Variants in HTRA1 observed in about 807,000 individuals in gnomAD.
HTRA1 encodes serine protease HTRA1.
In HTRA1, 26 loss-of-function variants were observed where a neutral mutation model predicts 49.7. The ratio of observed to expected loss-of-function variants is 0.52; its 90% CI spans 0.38 to 0.73. The LOEUF is 0.73. Ranked by LOEUF, HTRA1 falls within the 30% of genes least tolerant of loss-of-function variation. HTRA1 has a pLI of 0.00. For missense variants in HTRA1, 561 were observed against 667.2 expected, an observed-to-expected ratio of 0.84 and a Z score of 1.75; for synonymous variants, 291 against 286.9, an observed-to-expected ratio of 1.01 and a Z score of -0.14.
intron 3 of HTRA1, among the ~76,000 whole-genome samples, chr10:122,491,231 A>T (rs1330528776): frequency 2.0e-5 from 3 of 152,242 alleles, no homozygotes; most frequent in African/African-American, 2.4e-5. Flanking sequence ...GAGGCCACAC[A>T]GCAAACACCT....
chr10:122,514,502 A>T lies in HTRA1; in HGVS notation c.*143A>T. ...CAGTGGAGACTCCCTGGCCAACAGA[A>T]TCCTTCTTGATAGTTTGCAGGCAAA... On this transcript the variant is annotated 3_prime_UTR_variant, in exon 9 of 9. Transcript: ENST00000368984. The T allele has an allele frequency of 1.3e-6, 1 of 766,732 alleles. No individual in the cohort carries two copies. Among genetic ancestry groups the T allele is most frequent in the Non-Finnish European group, 2.2e-6 (1 of 445,020 alleles). 47.5% of individuals were successfully genotyped at this position (766,732 alleles called of 1,614,324 possible).
chr10:122,506,732 G>A lies in HTRA1; in HGVS notation c.819G>A (p.Leu273=), dbSNP rs778756814. 5.0e-6 allele frequency: 8 copies of A among 1,613,632 alleles called. No individual in the cohort carries two copies. Among genetic ancestry groups the A allele is most frequent in the Non-Finnish European group, 6.8e-6 (8 of 1,180,042 alleles). Residue 273 remains leucine, a synonymous_variant, in exon 4 of 9, where the codon CTG becomes CTA. Coordinates refer to ENST00000368984, the MANE Select transcript of HTRA1 (RefSeq NM_002775.5). This position sits in a 1 kb window ranked among gnomAD's most constrained non-coding sequence, Gnocchi z 5.2. ...TGCTGCTTGGCCGCTCCTCAGAGCT[G>A]CGGCCGGGAGAGTTCGTGGTCGCCA... ...PVLLLGRSSE[L]RPGEFVVAIG...
rs1014414049 is a variant in HTRA1 at position 122,514,533 on chromosome 10, T to C, written c.*174T>C. ...CTTGATAGTTTGCAGGCAAAACAAA[T>C]GTAATGTTGCAGATCCGCAGGCAGA... On this transcript the variant is annotated 3_prime_UTR_variant, in exon 9 of 9. Transcript: ENST00000368984. 2.2e-5 allele frequency: 15 copies of C among 669,950 alleles called. No individual in the cohort carries two copies. Among genetic ancestry groups the C allele is most frequent in the Admixed American group, 6.6e-5 (3 of 45,238 alleles). The allele number at this position is 669,950 out of a possible 1,614,324, so 41.5% of individuals were successfully genotyped here.
chr10:122,514,583 T>C lies in HTRA1; in HGVS notation c.*224T>C. On this transcript the variant is annotated 3_prime_UTR_variant, in exon 9 of 9. Transcript: ENST00000368984. ...AAGCTCTGCCCTTCTGTATCCTATG[T>C]ATGCAGTGTGCTTTTTCTTGCCAGC... 1.8e-6 allele frequency: 1 copy of C among 558,452 alleles called. No individual in the cohort carries two copies. The highest frequency in any genetic ancestry group is 2.0e-5 in the South Asian group (1 of 50,386). 34.6% of individuals were successfully genotyped at this position (558,452 alleles called of 1,614,324 possible).
chr10:122,508,735 AG>A lies in HTRA1; in HGVS notation c.1086del (p.Lys362AsnfsTer26). The A allele has an allele frequency of 6.2e-7, 1 of 1,613,832 alleles. No individual in the cohort carries two copies. The highest frequency in any genetic ancestry group is 8.5e-7 in the Non-Finnish European group (1 of 1,179,678). ...GCAATCCCATCTGATAAGATTAAAA[AG>A]TTCCTCACGGAGTCCCATGACCGAC... The part of the protein sequence containing the change: ...SFAIPSDKIK[K>X]FLTESHDRQA... On this transcript the variant is annotated frameshift_variant, in exon 6 of 9. Transcript: ENST00000368984. LOFTEE classifies it high-confidence loss of function.
intron 3 of HTRA1, 56 bp downstream of exon 3, chr10:122,489,682 G>T: frequency 1.3e-6 from 2 of 1,514,506 alleles, no homozygotes; most frequent in Non-Finnish European, 1.8e-6. Context: ...AACACCCTTG[G>T]CAAAGGCACC....
chr10:122,505,817 G>A (rs1057075782), intron 3 of HTRA1, among the ~76,000 whole-genome samples: 25 of 152,324 alleles, frequency 1.6e-4, no homozygotes, highest in African/African-American at 5.1e-4. Flanking sequence ...GCTCGGCTCC[G>A]AGGAAGGCAG....
chr10:122,508,770 G>C lies in HTRA1; in HGVS notation c.1120G>C (p.Gly374Arg). ...GGAGTCCCATGACCGACAGGCCAAA[G>C]GTAGGCAAGGCCCACACAGCCCTGG... is the stretch of plus-strand genomic sequence containing the variant. ...LTESHDRQAK[G>R]KAITKKKYIG... The change falls in exon 6 of 9, where the codon GGA becomes CGA. Residue 374 changes from glycine (G) to arginine (R), a missense_variant and splice_region_variant. Gly to Arg is a moderately radical substitution (Grantham distance 125, BLOSUM62 -2). This residue lies in a region of HTRA1 where 179 missense variants were observed against 173.4 expected (regional missense o/e 1.03). Transcript: ENST00000368984. The C allele has an allele frequency of 6.3e-7, 1 of 1,581,838 alleles. No individual in the cohort carries two copies. The highest frequency in any genetic ancestry group is 8.7e-7 in the Non-Finnish European group (1 of 1,150,618).
At chr10:122,470,852 G>C (rs911850650) in intron 1 of HTRA1, among the ~76,000 whole-genome samples, 1 of 152,102 alleles carries the variant, frequency 6.6e-6, no homozygotes, top group South Asian at 2.1e-4. Context: ...AATGCCTCCT[G>C]GGTGTCAAAG....
chr10:122,507,221 G>T (rs979148091), intron 4 of HTRA1, 149 bp from the exon 5 acceptor site: 7 of 726,270 alleles, frequency 9.6e-6, no homozygotes, highest in South Asian at 8.0e-5. Context: ...ATTTTTTTCC[G>T]GCAAAATATT....
At position 122,514,342 on chromosome 10, in the gene HTRA1, G is replaced by A. The variant is rs555450909; in HGVS notation, c.1426G>A (p.Glu476Lys). ...AGATATCATGATCACAGTGATTCCC[G>A]AAGAAATTGACCCATAGGCAGAGGC... The part of the protein sequence containing the change: ...NEDIMITVIP[E>K]EIDP Residue 476 changes from glutamate (E) to lysine (K), a missense_variant, in exon 9 of 9, where the codon GAA becomes AAA. Physicochemically the swap from Glu to Lys is moderately conservative, Grantham distance 56. Around this residue, in one of 3 missense-constraint regions of HTRA1, gnomAD observed 179 missense variants for 173.4 expected, o/e 1.03. Transcript: ENST00000368984. The A allele has an allele frequency of 8.1e-6, 13 of 1,614,114 alleles. No individual in the cohort carries two copies. The highest frequency in any genetic ancestry group is 2.2e-5 in the East Asian group (1 of 44,878).
At chr10:122,502,830 C>A (rs1463113283) in intron 3 of HTRA1, among the ~76,000 whole-genome samples, 2 of 152,238 alleles carry the variant, frequency 1.3e-5, no homozygotes, top group African/African-American at 4.8e-5. Flanking sequence ...TGAGAGCAGG[C>A]ATGGGTTGTT....
At chr10:122,462,873 C>T (rs890397183) in intron 1 of HTRA1, among the ~76,000 whole-genome samples, 6 of 152,260 alleles carry the variant, frequency 3.9e-5, no homozygotes, top group African/African-American at 1.4e-4. Context: ...GTCTACCCCT[C>T]TGTTCCTACA....
chr10:122,479,825 T>C (rs2097490206), intron 1 of HTRA1, among the ~76,000 whole-genome samples: 1 of 152,018 alleles, frequency 6.6e-6, no homozygotes. Flanking sequence ...AGGAAGTTTA[T>C]GTGCCCCAAA....
rs2097493808 is a variant in HTRA1, at chr10:122,487,972, T to TTATG, written c.473-929_473-926dup. Among the ~76,000 whole-genome samples the TTATG allele has an allele frequency of 6.6e-6, 1 of 152,216 alleles. No homozygotes were observed. Among genetic ancestry groups the TTATG allele is most frequent in the African/African-American group, 2.4e-5 (1 of 41,448 alleles). On this transcript the variant is annotated intron_variant, in intron 1 of 8. Coordinates refer to ENST00000368984, the MANE Select transcript of HTRA1 (RefSeq NM_002775.5). This position sits in a 1 kb window ranked among gnomAD's most constrained non-coding sequence, Gnocchi z 4.8. ...CTCACCCACAGTCTTAAGGCACCTCTTATGCCTTTTGTCTGGGATGTCCCG... is the reference window on the plus strand; with the variant it reads ...CTCACCCACAGTCTTAAGGCACCTCTTATGTATGCCTTTTGTCTGGGATGTCCCG...
At chr10:122,484,318 G>T (rs934097845) in intron 1 of HTRA1, among the ~76,000 whole-genome samples, 2 of 152,196 alleles carry the variant, frequency 1.3e-5, no homozygotes, top group Non-Finnish European at 2.9e-5. Context: ...GTTATCTGCT[G>T]ACCTGGCCCT....
intron 1 of HTRA1, among the ~76,000 whole-genome samples, chr10:122,475,100 T>C (rs1489866438): frequency 6.6e-6 from 1 of 152,220 alleles, no homozygotes; most frequent in African/African-American, 2.4e-5. Context: ...ATTTCGAATC[T>C]ACTCTATTTG....
At chr10:122,479,783 C>T (rs904456730) in intron 1 of HTRA1, among the ~76,000 whole-genome samples, 52 of 114,914 alleles carry the variant, frequency 4.5e-4, no homozygotes, top group African/African-American at 1.3e-3. Flanking sequence ...ATCGTGGGCC[C>T]GAGGAGATGG....
Sources: allele counts gnomAD v4.1 joint callset (sites outside exome capture counted in the v4.1 genomes callset), GRCh38; gene constraint gnomAD v4.1.1; regional missense constraint gnomAD v4.1.1; non-coding constraint Gnocchi (gnomAD v3.1); transcripts MANE v1.5; gene names NCBI Gene and HGNC (gene_info 2026-07-23, HGNC 2026-07-21).